The following HYCC1 variants were observed in gnomAD, a reference collection of about 807,000 sequenced individuals.
The protein encoded by HYCC1 is hyccin PI4KA lipid kinase complex subunit 1.
chr7:22,922,565 T>C, the HYCC1 span, among the ~76,000 whole-genome samples: 1 of 152,230 alleles, frequency 6.6e-6, no homozygotes, highest in African/African-American at 2.4e-5. Context: ...GTTCAAAGTA[T>C]GATTTCTACT....
the HYCC1 span, chr7:22,947,101 C>T: frequency 6.4e-7 from 1 of 1,550,532 alleles, no homozygotes; most frequent in Non-Finnish European, 8.7e-7. Flanking sequence ...GTTTCCTGCA[C>T]ACCCTGTATA....
At chr7:22,962,974 C>T in the HYCC1 span, among the ~76,000 whole-genome samples, 1 of 152,092 alleles carries the variant, frequency 6.6e-6, no homozygotes, top group African/African-American at 2.4e-5. Context: ...CCAGGTAGCA[C>T]TAGAGGAATT....
chr7:22,998,182 G>C, the HYCC1 span, among the ~76,000 whole-genome samples: 67 of 152,284 alleles, frequency 4.4e-4, no homozygotes, highest in Middle Eastern at 3.4e-3. Flanking sequence ...AAGTTAGGAA[G>C]AACTATTTTT....
the HYCC1 span, among the ~76,000 whole-genome samples, chr7:23,006,556 C>T: frequency 1.3e-4 from 20 of 152,226 alleles, no homozygotes; most frequent in Non-Finnish European, 2.8e-4. Flanking sequence ...CATGAGCCAC[C>T]GCACCCGGCC....
At chr7:22,935,878 A>C in the HYCC1 span, 3 of 150,568 alleles carry the variant, frequency 2.0e-5, no homozygotes, top group African/African-American at 7.3e-5. Context: ...TGAACTTCTG[A>C]CTTTAGGTGA....
chr7:23,001,443 T>C, the HYCC1 span, among the ~76,000 whole-genome samples: 1 of 152,168 alleles, frequency 6.6e-6, no homozygotes, highest in African/African-American at 2.4e-5. Flanking sequence ...CTTTCCCTTG[T>C]CTCATAAATA....
the HYCC1 span, among the ~76,000 whole-genome samples, chr7:22,926,960 G>C: frequency 9.9e-4 from 151 of 152,110 alleles, no homozygotes; most frequent in African/African-American, 3.5e-3. Context: ...AAATGTAAAA[G>C]AACAGAAATT....
chr7:22,979,828 G>A, the HYCC1 span, among the ~76,000 whole-genome samples: 10 of 152,162 alleles, frequency 6.6e-5, 1 homozygote, highest in Admixed American at 2.0e-4. Context: ...TTTGCCATAC[G>A]AAAATATAAC....
At chr7:22,952,434 G>C in the HYCC1 span, among the ~76,000 whole-genome samples, 1 of 151,870 alleles carries the variant, frequency 6.6e-6, no homozygotes, top group Non-Finnish European at 1.5e-5. Context: ...CAAATAACTA[G>C]ACAATGCCCC....
At chr7:23,001,262 C>G in the HYCC1 span, among the ~76,000 whole-genome samples, 16 of 152,140 alleles carry the variant, frequency 1.1e-4, no homozygotes, top group Admixed American at 3.9e-4. Flanking sequence ...AACATAACCT[C>G]TATTTCACAA....
the HYCC1 span, among the ~76,000 whole-genome samples, chr7:22,930,808 G>A: frequency 6.6e-6 from 1 of 152,040 alleles, no homozygotes; most frequent in African/African-American, 2.4e-5. Context: ...CTTCACTCCA[G>A]GAATGCAAGG....
At chr7:22,961,127 C>T in the HYCC1 span, 1 of 723,370 alleles carries the variant, frequency 1.4e-6, no homozygotes, top group Non-Finnish European at 2.5e-6. Context: ...AGCATGAATA[C>T]ACTGAGTATT....
the HYCC1 span, among the ~76,000 whole-genome samples, chr7:23,008,133 A>G: frequency 3.3e-5 from 5 of 152,068 alleles, no homozygotes; most frequent in African/African-American, 7.2e-5. Flanking sequence ...CGCTTTACAC[A>G]TGCTATAATT....
At chr7:22,928,876 T>C in the HYCC1 span, among the ~76,000 whole-genome samples, 25 of 152,090 alleles carry the variant, frequency 1.6e-4, no homozygotes, top group Admixed American at 1.5e-3. Flanking sequence ...AGAGCCCGCA[T>C]TGCCAAGTCA....
At chr7:22,965,321 G>C in the HYCC1 span, among the ~76,000 whole-genome samples, 3 of 151,424 alleles carry the variant, frequency 2.0e-5, no homozygotes, top group Non-Finnish European at 4.4e-5. Flanking sequence ...GATTATAACC[G>C]TTAATGTTTA....
At chr7:22,976,836 A>G in the HYCC1 span, 1 of 1,367,128 alleles carries the variant, frequency 7.3e-7, no homozygotes, top group Non-Finnish European at 1.0e-6. Context: ...GAATAAAGAA[A>G]AAAAAAGCTA....
chr7:22,971,521 A>G, the HYCC1 span, among the ~76,000 whole-genome samples: 1 of 151,390 alleles, frequency 6.6e-6, no homozygotes, highest in Non-Finnish European at 1.5e-5. Context: ...CTAAAAATAC[A>G]AGCAATTAGC....
chr7:22,931,826 G>T, the HYCC1 span, among the ~76,000 whole-genome samples: 1 of 152,146 alleles, frequency 6.6e-6, no homozygotes, highest in Non-Finnish European at 1.5e-5. Context: ...TCTAGATTTG[G>T]ATGGAAAGTA....
the HYCC1 span, among the ~76,000 whole-genome samples, chr7:23,005,083 G>T: frequency 2.3e-4 from 35 of 152,330 alleles, no homozygotes; most frequent in African/African-American, 8.2e-4. Context: ...GGGATTAAAG[G>T]TGAAAGCCAC....
Sources: allele counts gnomAD v4.1 joint callset (sites outside exome capture counted in the v4.1 genomes callset), GRCh38; gene constraint gnomAD v4.1.1; transcripts MANE v1.5; gene names NCBI Gene and HGNC (gene_info 2026-07-23, HGNC 2026-07-21).